Variants in DEPTOR observed in about 807,000 individuals in gnomAD.
The protein encoded by DEPTOR is DEP domain-containing mTOR-interacting protein.
DEPTOR carries 41 observed loss-of-function variants against 41.6 expected under a neutral mutation model. That is an observed-to-expected ratio of 0.98 (90% CI 0.77 to 1.28). The LOEUF (loss-of-function observed/expected upper bound fraction) is 1.28, where lower values mean the gene tolerates loss of function less well. Among genes scored for constraint, DEPTOR ranks in the 50% most tolerant of loss-of-function variants. The pLI is 0.00. For synonymous variants in DEPTOR, 195 were observed against 192.3 expected (o/e 1.01, Z -0.12); for missense variants, 514 against 527.9 (o/e 0.97, Z 0.26).
At chr8:119,929,492 G>A (rs1457119004) in intron 2 of DEPTOR, among the ~76,000 whole-genome samples, 4 of 151,736 alleles carry the variant, frequency 2.6e-5, no homozygotes, top group African/African-American at 9.7e-5. Context: ...TGAGGCTGAT[G>A]CATGCCCCAA....
At chr8:120,044,204 C>T (rs1256654184) in intron 8 of DEPTOR, among the ~76,000 whole-genome samples, 1 of 151,468 alleles carries the variant, frequency 6.6e-6, no homozygotes, top group Non-Finnish European at 1.5e-5. Flanking sequence ...GCTCTTGTTG[C>T]AACCTCCACC....
chr8:119,947,918 C>A (rs568848353), intron 3 of DEPTOR, among the ~76,000 whole-genome samples: 1 of 152,260 alleles, frequency 6.6e-6, no homozygotes, highest in Admixed American at 6.5e-5. Flanking sequence ...TGCCCTCCCC[C>A]ATCCTCTCCC....
chr8:119,950,293 C>G (rs1828335818), intron 3 of DEPTOR, among the ~76,000 whole-genome samples: 1 of 152,110 alleles, frequency 6.6e-6, no homozygotes, highest in Non-Finnish European at 1.5e-5. Context: ...ATACTGCTTC[C>G]ACAAATATGA....
At chr8:119,925,460 T>C (rs2176750) in intron 1 of DEPTOR, among the ~76,000 whole-genome samples, 42,761 of 151,780 alleles carry the variant, frequency 0.28, 6,443 homozygotes, top group Middle Eastern at 0.39. Context: ...CATCAGATCT[T>C]GAGATTTATT....
chr8:120,028,228 T>C (rs1812830291), intron 8 of DEPTOR, among the ~76,000 whole-genome samples: 1 of 151,630 alleles, frequency 6.6e-6, no homozygotes, highest in African/African-American at 2.4e-5. Context: ...TGATCTTGGC[T>C]CACTGCAACC....
intron 1 of DEPTOR, among the ~76,000 whole-genome samples, chr8:119,879,859 A>G (rs1827276609): frequency 6.6e-6 from 1 of 152,118 alleles, no homozygotes; most frequent in Non-Finnish European, 1.5e-5. Context: ...AAAATACAAA[A>G]TTAGCCGGGC....
chr8:119,955,306 TTC>T (rs899356584), intron 3 of DEPTOR, among the ~76,000 whole-genome samples: 77 of 152,226 alleles, frequency 5.1e-4, no homozygotes, highest in African/African-American at 1.8e-3. Flanking sequence ...ATTTGTCTAT[TTC>T]TCTGTTATGT....
chr8:120,002,947 G>A, intron 5 of DEPTOR, 30 bp from the exon 6 acceptor site: 2 of 1,548,230 alleles, frequency 1.3e-6, no homozygotes, highest in Non-Finnish European at 1.7e-6. Flanking sequence ...CACCCCCTTG[G>A]TGACTGTGTG....
chr8:119,996,228 G>A (rs903434952), intron 4 of DEPTOR, among the ~76,000 whole-genome samples: 1 of 152,058 alleles, frequency 6.6e-6, no homozygotes, highest in Non-Finnish European at 1.5e-5. Flanking sequence ...GAAAATTCTT[G>A]AAAATCCTTG....
intron 1 of DEPTOR, among the ~76,000 whole-genome samples, chr8:119,894,303 C>T (rs992981843): frequency 6.6e-5 from 10 of 152,250 alleles, no homozygotes; most frequent in South Asian, 4.1e-4. Context: ...TGGGCTCAAG[C>T]GAGCCTCCCA....
intron 8 of DEPTOR, among the ~76,000 whole-genome samples, chr8:120,032,849 A>G (rs1812912986): frequency 6.6e-6 from 1 of 152,138 alleles, no homozygotes; most frequent in South Asian, 2.1e-4. Context: ...GGAATCTGAA[A>G]AATGTAGCTC....
intron 1 of DEPTOR, among the ~76,000 whole-genome samples, chr8:119,905,997 G>A (rs563366282): frequency 6.6e-6 from 1 of 152,242 alleles, no homozygotes; most frequent in East Asian, 1.9e-4. Context: ...ATCTCGCTAT[G>A]TTGCCTAAGC....
chr8:119,969,964 G>C (rs1241539360), intron 4 of DEPTOR: 2 of 152,142 alleles, frequency 1.3e-5, no homozygotes, highest in African/African-American at 4.8e-5. Flanking sequence ...GATAAAAGTG[G>C]TTCCCTATTT....
intron 1 of DEPTOR, among the ~76,000 whole-genome samples, chr8:119,877,868 A>G (rs1169797169): frequency 6.6e-6 from 1 of 152,158 alleles, no homozygotes; most frequent in Non-Finnish European, 1.5e-5. Flanking sequence ...TGTTGTTATG[A>G]CTATTGTAAC....
chr8:119,882,020 A>G (rs1827304318), intron 1 of DEPTOR, among the ~76,000 whole-genome samples: 1 of 152,082 alleles, frequency 6.6e-6, no homozygotes. Context: ...CGTCCTGAGT[A>G]GCTGGGATTA....
intron 3 of DEPTOR, among the ~76,000 whole-genome samples, chr8:119,940,375 G>T (rs757585375): frequency 4.6e-5 from 7 of 152,176 alleles, no homozygotes; most frequent in Non-Finnish European, 8.8e-5. Flanking sequence ...AAAAGTGGAA[G>T]TAACCCAAGT....
chr8:120,020,688 T>C (rs1812688939), intron 8 of DEPTOR, among the ~76,000 whole-genome samples: 1 of 152,138 alleles, frequency 6.6e-6, no homozygotes, highest in Non-Finnish European at 1.5e-5. Flanking sequence ...CATGGGGGGT[T>C]TGAGTCTTAG....
intron 8 of DEPTOR, among the ~76,000 whole-genome samples, chr8:120,011,974 G>GCC (rs1005491028): frequency 6.6e-6 from 1 of 152,066 alleles, no homozygotes; most frequent in Non-Finnish European, 1.5e-5. Context: ...GAGGTTCTCT[G>GCC]ATCAAAGCAG....
intron 1 of DEPTOR, among the ~76,000 whole-genome samples, chr8:119,884,446 C>T (rs954935704): frequency 2.0e-5 from 3 of 151,706 alleles, no homozygotes; most frequent in South Asian, 2.1e-4. Context: ...GAGTGGTGTC[C>T]GAAAGCAAAG....
Sources: gnomAD v4.1 joint callset for allele counts (sites outside exome capture counted in the v4.1 genomes callset) on GRCh38, gnomAD v4.1.1 for gene constraint, MANE v1.5 for transcripts, NCBI Gene and HGNC (gene_info 2026-07-23, HGNC 2026-07-21) for gene names.